Variants in RAD51B observed in about 807,000 individuals in gnomAD.
The protein encoded by RAD51B is DNA repair protein RAD51 homolog 2.
Under a neutral mutation model 42.2 loss-of-function variants are expected in RAD51B, and 38 were observed. The ratio of observed to expected loss-of-function variants is 0.90; its 90% CI spans 0.70 to 1.18. The LOEUF is 1.18. RAD51B is among the 50% of genes most tolerant of loss of function. The pLI, the probability that RAD51B is intolerant of heterozygous loss-of-function variation, is 0.00. For missense variants in RAD51B, 373 were observed against 400.7 expected (o/e 0.93, Z 0.59); for synonymous variants, 154 against 145.2 (o/e 1.06, Z -0.43).
chr14:68,379,866 G>A (rs937746911), intron 8 of RAD51B, among the ~76,000 whole-genome samples: 2 of 152,256 alleles, frequency 1.3e-5, no homozygotes, highest in African/African-American at 4.8e-5. Context: ...AGGGTGAAGA[G>A]TGAGGCTGCT....
intron 7 of RAD51B, among the ~76,000 whole-genome samples, chr14:68,138,850 C>T (rs1297809124): frequency 1.3e-5 from 2 of 152,142 alleles, no homozygotes; most frequent in Non-Finnish European, 2.9e-5. Context: ...TATCTTCATT[C>T]AATCTATGAT....
intron 8 of RAD51B, among the ~76,000 whole-genome samples, chr14:68,392,798 C>T (rs922303022): frequency 6.6e-6 from 1 of 152,180 alleles, no homozygotes; most frequent in Non-Finnish European, 1.5e-5. Context: ...TGGGGCCTCC[C>T]CATTTCGACT....
At chr14:67,848,521 G>GT (rs2139935131) in intron 4 of RAD51B, among the ~76,000 whole-genome samples, 1 of 152,152 alleles carries the variant, frequency 6.6e-6, no homozygotes, top group South Asian at 2.1e-4. Flanking sequence ...GTTGAGTCTT[G>GT]TCTTTTTTTT....
chr14:68,311,430 A>G (rs1004804656), intron 8 of RAD51B, among the ~76,000 whole-genome samples: 5 of 152,240 alleles, frequency 3.3e-5, no homozygotes, highest in Non-Finnish European at 7.3e-5. Context: ...AAGAGCTTGC[A>G]TTCTCTTTTC....
At chr14:68,596,087 C>A, downstream of RAD51B, 2 of 1,003,060 alleles carry the variant, frequency 2.0e-6, no homozygotes, top group African/African-American at 1.7e-5. Context: ...GTCTATTCTC[C>A]ATTTTATATT....
chr14:68,258,306 C>T (rs535063482), intron 7 of RAD51B, among the ~76,000 whole-genome samples: 80 of 151,964 alleles, frequency 5.3e-4, no homozygotes, highest in Non-Finnish European at 1.0e-3. Flanking sequence ...GAGGCTGAGG[C>T]GGGAGGATCG....
intron 7 of RAD51B, among the ~76,000 whole-genome samples, chr14:68,270,672 T>TGG (rs768072740): frequency 6.6e-6 from 1 of 152,240 alleles, no homozygotes; most frequent in Non-Finnish European, 1.5e-5. Flanking sequence ...CCAGATTGCC[T>TGG]GGGAAACGCC....
chr14:68,245,337 G>A (rs1342359850), intron 7 of RAD51B, among the ~76,000 whole-genome samples: 1 of 152,194 alleles, frequency 6.6e-6, no homozygotes, highest in Non-Finnish European at 1.5e-5. Context: ...GATCAGATTT[G>A]TGATGTATTA....
At chr14:68,227,004 T>C (rs1324836632) in intron 7 of RAD51B, among the ~76,000 whole-genome samples, 1 of 152,244 alleles carries the variant, frequency 6.6e-6, no homozygotes, top group Non-Finnish European at 1.5e-5. Flanking sequence ...GGAACTCTGA[T>C]GGACTCTTCC....
intron 7 of RAD51B, among the ~76,000 whole-genome samples, chr14:68,216,408 A>T (rs2079815713): frequency 6.6e-6 from 1 of 152,186 alleles, no homozygotes; most frequent in African/African-American, 2.4e-5. Flanking sequence ...GCCCTAGGAG[A>T]TAGGTATTAT....
At chr14:68,297,798 G>T (rs1358297092) in intron 8 of RAD51B, among the ~76,000 whole-genome samples, 1 of 152,184 alleles carries the variant, frequency 6.6e-6, no homozygotes, top group Non-Finnish European at 1.5e-5. Context: ...GAAGCATGAA[G>T]GAGAGAAGAG....
downstream of RAD51B, among the ~76,000 whole-genome samples, chr14:68,600,065 A>G (rs932365206): frequency 6.6e-6 from 1 of 152,170 alleles, no homozygotes; most frequent in East Asian, 1.9e-4. Context: ...CTGTCCCCCT[A>G]CAGGACTCCC....
intron 10 of RAD51B, among the ~76,000 whole-genome samples, chr14:68,618,882 C>T (rs916293275): frequency 2.6e-5 from 4 of 152,116 alleles, no homozygotes; most frequent in Non-Finnish European, 4.4e-5. Flanking sequence ...CTTAGAATTC[C>T]TAGCTCAGCT....
intron 7 of RAD51B, among the ~76,000 whole-genome samples, chr14:67,921,567 TCACACACACACACACACACACACACACA>T (rs3219795): frequency 3.2e-5 from 4 of 125,876 alleles, no homozygotes; most frequent in African/African-American, 8.9e-5. Context: ...TATGTGCACA[TCACACACACACACACACACACACACACA>T]CACACACACA....
At chr14:68,592,231 A>G (rs1890777491) in intron 10 of RAD51B, among the ~76,000 whole-genome samples, 1 of 149,696 alleles carries the variant, frequency 6.7e-6, no homozygotes, top group South Asian at 2.1e-4. Flanking sequence ...GTGAGCAGGG[A>G]GGTACAAAGG....
In RAD51B at chr14:67,954,497, C is replaced by T. The variant is rs184306278; in HGVS notation, c.756+67293C>T. Among the ~76,000 whole-genome samples, 48 of 152,318 alleles carry T rather than the reference C, an allele frequency of 3.2e-4. No individual in the cohort carries two copies. The Middle Eastern group carries it at 0.017, about 54-fold the overall frequency. On this transcript the variant is annotated intron_variant, in intron 7 of 10. Coordinates refer to ENST00000471583, the MANE Select transcript of RAD51B (RefSeq NM_133510.4). ...AGTCAGTAGCATCATATGGTCCACTCTCCAGAGGAGAAGACAGATGAAGGT... is the reference window on the plus strand; with the variant it reads ...AGTCAGTAGCATCATATGGTCCACTTTCCAGAGGAGAAGACAGATGAAGGT...
chr14:68,604,227 C>T (rs1431302017), intron 10 of RAD51B, among the ~76,000 whole-genome samples: 2 of 152,170 alleles, frequency 1.3e-5, no homozygotes, highest in African/African-American at 2.4e-5. Flanking sequence ...CAGGGAGGCC[C>T]GGCCCACTCC....
chr14:68,215,098 G>A (rs768263278), intron 7 of RAD51B, among the ~76,000 whole-genome samples: 9 of 152,162 alleles, frequency 5.9e-5, no homozygotes, highest in Non-Finnish European at 1.2e-4. Flanking sequence ...AAATGACAAA[G>A]ATAGTATGTT....
At chr14:68,292,026 A>G (rs1394916941) in intron 8 of RAD51B, 46 bp downstream of exon 8, 3 of 1,498,178 alleles carry the variant, frequency 2.0e-6, no homozygotes, top group African/African-American at 1.4e-5. Context: ...ACTGACATAG[A>G]GCCCCACTGC....
Sources: gnomAD v4.1 joint callset for allele counts (sites outside exome capture counted in the v4.1 genomes callset) on GRCh38, gnomAD v4.1.1 for gene constraint, MANE v1.5 for transcripts, NCBI Gene and HGNC (gene_info 2026-07-23, HGNC 2026-07-21) for gene names.